Variants in SLC36A1 observed in about 807,000 individuals in gnomAD.
SLC36A1 encodes the protein solute carrier family 36 member 1.
SLC36A1 carries 30 observed loss-of-function variants against 47.5 expected under a neutral mutation model. The observed-to-expected ratio is 0.63, with a 90% confidence interval of 0.47 to 0.86. The LOEUF is 0.86. Among genes scored for constraint, SLC36A1 ranks in the 40% least tolerant of loss-of-function variants. The probability of loss-of-function intolerance (pLI) is 0.00; values close to 1 mark genes in which losing one functional copy is unlikely to be tolerated. For missense variants in SLC36A1, 517 were observed against 606.0 expected, an observed-to-expected ratio of 0.85 and a Z score of 1.54; for synonymous variants, 255 against 249.7, an observed-to-expected ratio of 1.02 and a Z score of -0.20.
At chr5:151,543,978 T>C in the SLC36A1 span, 17 of 1,613,936 alleles carry the variant, frequency 1.1e-5, no homozygotes, top group Non-Finnish European at 1.4e-5. Context: ...TGGCTTCATA[T>C]TGAGGTTGTC....
chr5:151,533,421 C>T, the SLC36A1 span, among the ~76,000 whole-genome samples: 1 of 151,776 alleles, frequency 6.6e-6, no homozygotes, highest in South Asian at 2.1e-4. Context: ...CACACACACA[C>T]ACACACACAC....
chr5:151,485,654 C>T (rs1759413048), intron 10 of SLC36A1, among the ~76,000 whole-genome samples: 2 of 152,216 alleles, frequency 1.3e-5, no homozygotes, highest in Admixed American at 1.3e-4. Flanking sequence ...CTGTCGTTTA[C>T]ACCCTCTGGG....
the SLC36A1 span, among the ~76,000 whole-genome samples, chr5:151,346,421 G>T: frequency 6.6e-6 from 1 of 151,980 alleles, no homozygotes; most frequent in Non-Finnish European, 1.5e-5. Flanking sequence ...CACATCCTCC[G>T]ATTTTGTTTC....
At chr5:151,534,492 G>C in the SLC36A1 span, 2 of 1,614,068 alleles carry the variant, frequency 1.2e-6, no homozygotes, top group South Asian at 1.1e-5. Flanking sequence ...ACAGTGGCTG[G>C]GGAAGAACCG....
chr5:151,455,644 C>G (rs1402603645), intron 1 of SLC36A1, among the ~76,000 whole-genome samples: 2 of 152,160 alleles, frequency 1.3e-5, no homozygotes, highest in Non-Finnish European at 1.5e-5. Context: ...ATATAGGTGT[C>G]AACCTAAAGG....
chr5:151,476,643 G>T lies in SLC36A1; in HGVS notation c.876G>T (p.Leu292=). The T allele has an allele frequency of 6.2e-7, 1 of 1,612,078 alleles. No individual in the cohort carries two copies. Residue 292 remains leucine, a synonymous_variant, in exon 9 of 11, where the codon CTG becomes CTT. Transcript: ENST00000243389. The stretch of plus-strand genomic sequence containing the variant: ...ATCCTCGGAAGTTCCCACTCATCCT[G>T]TACCTGGGCATGGTCATCGTCACCA... The part of the protein sequence containing the change: ...MKDPRKFPLI[L]YLGMVIVTIL...
chr5:151,511,043 G>A, the SLC36A1 span: 1 of 152,396 alleles, frequency 6.6e-6, no homozygotes, highest in Non-Finnish European at 1.5e-5. Context: ...GTCTGTGCTG[G>A]ATAAAGATCA....
intron 2 of SLC36A1, 55 bp downstream of exon 2, chr5:151,458,990 C>G: frequency 6.5e-7 from 1 of 1,535,030 alleles, no homozygotes; most frequent in Non-Finnish European, 8.8e-7. Context: ...CCTAAGCCTC[C>G]CTTGGACTTA....
the SLC36A1 span, chr5:151,546,462 C>T: frequency 1.6e-6 from 1 of 640,564 alleles, no homozygotes. Context: ...ATAGTGTATA[C>T]CCACCCTGGA....
the SLC36A1 span, among the ~76,000 whole-genome samples, chr5:151,402,037 G>C: frequency 6.6e-6 from 1 of 152,172 alleles, no homozygotes; most frequent in Non-Finnish European, 1.5e-5. Context: ...AAATAGGAGT[G>C]GTGAGAATGG....
chr5:151,537,184 GAA>G, the SLC36A1 span, among the ~76,000 whole-genome samples: 2 of 151,372 alleles, frequency 1.3e-5, no homozygotes, highest in African/African-American at 2.4e-5. Flanking sequence ...CAGAAAGAAA[GAA>G]GAGAGAGAGA....
chr5:151,380,956 T>A, the SLC36A1 span: 1 of 395,400 alleles, frequency 2.5e-6, no homozygotes, highest in Non-Finnish European at 5.1e-6. Flanking sequence ...CTAATTTGGT[T>A]GTGTGACAGG....
At chr5:151,382,312 T>TG in the SLC36A1 span, 4 of 1,063,430 alleles carry the variant, frequency 3.8e-6, no homozygotes, top group Non-Finnish European at 5.8e-6. Context: ...CACAGTCGCC[T>TG]CAGCAGCCTC....
chr5:151,527,295 A>C, the SLC36A1 span: 1 of 1,613,242 alleles, frequency 6.2e-7, no homozygotes, highest in South Asian at 1.1e-5. Flanking sequence ...GACATCAGCC[A>C]CTTGGATAGC....
the SLC36A1 span, among the ~76,000 whole-genome samples, chr5:151,536,628 A>G: frequency 6.6e-6 from 1 of 152,190 alleles, no homozygotes; most frequent in Non-Finnish European, 1.5e-5. Flanking sequence ...CCCTGCAGGA[A>G]TCTCTGCTTC....
chr5:151,521,925 T>C, the SLC36A1 span: 2 of 1,614,000 alleles, frequency 1.2e-6, no homozygotes, highest in African/African-American at 1.3e-5. Context: ...GGTCTCGGTC[T>C]GTGGCATGGA....
At chr5:151,345,509 T>C in the SLC36A1 span, among the ~76,000 whole-genome samples, 9 of 152,082 alleles carry the variant, frequency 5.9e-5, no homozygotes, top group Admixed American at 2.0e-4. Context: ...GCTTCCTGAG[T>C]CTCTGTACAT....
the SLC36A1 span, chr5:151,507,316 G>A: frequency 6.2e-7 from 1 of 1,614,184 alleles, no homozygotes; most frequent in Non-Finnish European, 8.5e-7. Context: ...GCCTTGCTGG[G>A]TTCCGGTTGG....
At chr5:151,533,936 A>G in the SLC36A1 span, among the ~76,000 whole-genome samples, 7 of 152,162 alleles carry the variant, frequency 4.6e-5, no homozygotes, top group East Asian at 3.9e-4. Flanking sequence ...ATTAACTCCA[A>G]TGAAAATATG....
Sources: gnomAD v4.1 joint callset for allele counts (sites outside exome capture counted in the v4.1 genomes callset) on GRCh38, gnomAD v4.1.1 for gene constraint, MANE v1.5 for transcripts, NCBI Gene and HGNC (gene_info 2026-07-23, HGNC 2026-07-21) for gene names.